USP2: variants seen among roughly 807,000 people sequenced by gnomAD.
USP2 encodes ubiquitin carboxyl-terminal hydrolase 2.
A neutral mutation model predicts 72.0 loss-of-function variants in USP2; 33 were observed. The observed-to-expected ratio is 0.46, with a 90% CI of 0.35 to 0.61. The LOEUF (loss-of-function observed/expected upper bound fraction) is 0.61, where lower values mean the gene tolerates loss of function less well. USP2 is among the 20% of genes least tolerant of loss of function. The probability of loss-of-function intolerance (pLI) is 0.01; values close to 1 mark genes in which losing one functional copy is unlikely to be tolerated. For missense variants in USP2, 691 were observed against 797.8 expected (o/e 0.87, Z 1.61); for synonymous variants, 296 against 312.5 (o/e 0.95, Z 0.56).
chr11:119,358,608 G>T, intron 7 of USP2, 165 bp downstream of exon 7: 1 of 860,754 alleles, frequency 1.2e-6, no homozygotes, highest in Non-Finnish European at 1.8e-6. Context: ...GAGCCACCAT[G>T]CCCGGCCTGC....
At chr11:119,362,663 C>G (rs1394046318) in intron 2 of USP2, among the ~76,000 whole-genome samples, 2 of 152,154 alleles carry the variant, frequency 1.3e-5, no homozygotes, top group South Asian at 4.1e-4. Flanking sequence ...ACCTTTCTTA[C>G]AGGACAAACA....
At position 119,367,743 on chromosome 11, in the gene USP2, ATG is replaced by A. The variant is rs1290043000; in HGVS notation, c.774+4962_774+4963del. Among the ~76,000 whole-genome samples the A allele has an allele frequency of 9.9e-5, 15 of 151,910 alleles. No individual in the cohort carries two copies. In the South Asian group the frequency reaches 1.9e-3, roughly 19 times the overall value. On this transcript the variant is annotated intron_variant, in intron 2 of 12. Coordinates refer to ENST00000260187, the MANE Select transcript of USP2 (RefSeq NM_004205.5). The stretch of plus-strand genomic sequence containing the variant: ...AGGCCCACACACCTCCTTCTTTTGC[ATG>A]TGTCTCCGTCTGGGGCGCTAGTTTT...
At chr11:119,358,546 C>A in intron 7 of USP2, 1 of 619,636 alleles carries the variant, frequency 1.6e-6, no homozygotes, top group Non-Finnish European at 2.8e-6. Flanking sequence ...GAACTCCTGA[C>A]CTCAGGTGAT....
In USP2 at chr11:119,372,850, C is replaced by T. The variant is rs1340424023; in HGVS notation, c.631G>A (p.Val211Met). 5.6e-6 allele frequency: 9 copies of T among 1,607,726 alleles called. No homozygotes were observed. Among genetic ancestry groups the T allele is most frequent in the Non-Finnish European group, 7.6e-6 (9 of 1,177,562 alleles). Residue 211 changes from valine (V) to methionine (M), a missense_variant, in exon 2 of 13, where the codon GTG (valine) becomes ATG (methionine). Transcript: ENST00000260187. ...NYGRKGSASQ[V>M]PSQAPPSRVP... is the part of the protein sequence containing the mutation. ...CGTGAGGGAGGGGCCTGGGAGGGCA[C>T]CTGAGATGCACTGCCCTTGCGACCA... is the stretch of plus-strand genomic sequence containing the variant.
At chr11:119,364,026 C>T (rs1232414269) in intron 2 of USP2, 1 of 1,216,968 alleles carries the variant, frequency 8.2e-7, no homozygotes, top group Non-Finnish European at 1.0e-6. Flanking sequence ...CTTTGGCCCT[C>T]GCTTAACGTT....
intron 1 of USP2, chr11:119,380,853 T>C: frequency 6.4e-6 from 1 of 155,506 alleles, no homozygotes; most frequent in Non-Finnish European, 1.4e-5. Flanking sequence ...TACCACTACC[T>C]CCAGCTCAGT....
intron 1 of USP2, among the ~76,000 whole-genome samples, chr11:119,374,702 G>A (rs1387864256): frequency 1.3e-5 from 2 of 152,164 alleles, no homozygotes; most frequent in African/African-American, 2.4e-5. Context: ...TGGAGTGGCA[G>A]AGGAGCAAGT....
At chr11:119,359,207 A>G in intron 5 of USP2, 24 bp downstream of exon 5, 1 of 1,612,476 alleles carries the variant, frequency 6.2e-7, no homozygotes, top group South Asian at 1.1e-5. Flanking sequence ...CCCACCTGAG[A>G]GGACATGTCT....
intron 2 of USP2, among the ~76,000 whole-genome samples, chr11:119,365,950 A>G (rs1950847177): frequency 6.7e-6 from 1 of 149,436 alleles, no homozygotes; most frequent in Non-Finnish European, 1.5e-5. Context: ...GCTGGAGTGC[A>G]GTGGCACGAT....
At chr11:119,357,682 C>T in intron 10 of USP2, 75 bp downstream of exon 10, 3 of 1,613,370 alleles carry the variant, frequency 1.9e-6, no homozygotes, top group Non-Finnish European at 2.5e-6. Context: ...TCCGACTGTT[C>T]CCCTCACCTA....
chr11:119,378,911 TG>T, intron 1 of USP2: 1 of 921,060 alleles, frequency 1.1e-6, no homozygotes, highest in Non-Finnish European at 1.3e-6. Flanking sequence ...CCGGGCCCAA[TG>T]GGGTGGCCTC....
chr11:119,374,326 T>C (rs561689698), intron 1 of USP2, among the ~76,000 whole-genome samples: 1 of 152,250 alleles, frequency 6.6e-6, no homozygotes, highest in African/African-American at 2.4e-5. Flanking sequence ...GCGATGCTTG[T>C]GCAAAGGGGG....
chr11:119,363,123 C>A (rs948840012), intron 2 of USP2, among the ~76,000 whole-genome samples: 1 of 152,248 alleles, frequency 6.6e-6, no homozygotes, highest in Non-Finnish European at 1.5e-5. Flanking sequence ...AGCTAGGAAG[C>A]CTGGTGTGGC....
intron 2 of USP2, among the ~76,000 whole-genome samples, chr11:119,361,923 C>T (rs1950771157): frequency 6.6e-6 from 1 of 152,144 alleles, no homozygotes; most frequent in African/African-American, 2.4e-5. Context: ...GAGATAATTC[C>T]CTGGGACAAA....
At chr11:119,378,068 A>T (rs1336864804) in intron 1 of USP2, among the ~76,000 whole-genome samples, 1 of 152,112 alleles carries the variant, frequency 6.6e-6, no homozygotes, top group East Asian at 1.9e-4. Context: ...AGTCCCAGCC[A>T]GTCCCGCCAG....
At chr11:119,365,487 C>G (rs1394278738) in intron 2 of USP2, among the ~76,000 whole-genome samples, 1 of 152,194 alleles carries the variant, frequency 6.6e-6, no homozygotes, top group Non-Finnish European at 1.5e-5. Flanking sequence ...AGTCACTGTC[C>G]TCACCCAGAC....
At chr11:119,357,356 TC>T (rs776689824) in intron 11 of USP2, 49 bp from the exon 12 acceptor site, 76 of 1,604,732 alleles carry the variant, frequency 4.7e-5, no homozygotes, top group Non-Finnish European at 6.2e-5. Context: ...TGCCCCGACT[TC>T]CCCCCTCCAA....
At chr11:119,375,126 C>T (rs769613072) in intron 1 of USP2, among the ~76,000 whole-genome samples, 4 of 152,196 alleles carry the variant, frequency 2.6e-5, no homozygotes, top group Admixed American at 2.0e-4. Context: ...CAGCCCCCAG[C>T]GAGAGAAACA....
At chr11:119,369,116 T>G (rs888275254) in intron 2 of USP2, among the ~76,000 whole-genome samples, 1 of 152,068 alleles carries the variant, frequency 6.6e-6, no homozygotes, top group Admixed American at 6.5e-5. Context: ...TAGTGAACAC[T>G]TTTTTTCCAC....
Sources: gnomAD v4.1 joint callset for allele counts (sites outside exome capture counted in the v4.1 genomes callset) on GRCh38, gnomAD v4.1.1 for gene constraint, MANE v1.5 for transcripts, NCBI Gene and HGNC (gene_info 2026-07-23, HGNC 2026-07-21) for gene names.